The following KIAA1217 variants were observed in gnomAD, a reference collection of about 807,000 sequenced individuals.
KIAA1217 encodes the protein sickle tail protein homolog.
KIAA1217 carries 88 observed loss-of-function variants against 163.9 expected under a neutral mutation model. The ratio of observed to expected loss-of-function variants is 0.54; its 90% confidence interval spans 0.45 to 0.64. KIAA1217 has a LOEUF of 0.64. Among genes scored for constraint, KIAA1217 ranks in the 30% least tolerant of loss-of-function variants. The pLI is 0.00. For missense variants in KIAA1217, 2,372 were observed against 2,475.0 expected (o/e 0.96, Z 0.88); for synonymous variants, 903 against 923.1 (o/e 0.98, Z 0.39).
At chr10:24,497,859 A>G (rs2067006954) in intron 8 of KIAA1217, among the ~76,000 whole-genome samples, 2 of 152,276 alleles carry the variant, frequency 1.3e-5, no homozygotes, top group Middle Eastern at 3.4e-3. Flanking sequence ...AGGGATAAAA[A>G]AAACTACGAA....
chr10:24,149,431 A>G (rs2064496292), intron 2 of KIAA1217, among the ~76,000 whole-genome samples: 2 of 151,348 alleles, frequency 1.3e-5, no homozygotes. Flanking sequence ...GGATCTGCCC[A>G]CCTCAGCCTC....
intron 1 of KIAA1217, among the ~76,000 whole-genome samples, chr10:23,723,254 G>A (rs1015763434): frequency 1.3e-5 from 2 of 152,008 alleles, no homozygotes; most frequent in Admixed American, 6.6e-5. Flanking sequence ...ACACTCCTGT[G>A]CTTTTGGGAT....
intron 1 of KIAA1217, among the ~76,000 whole-genome samples, chr10:23,742,128 A>C (rs920473778): frequency 6.6e-6 from 1 of 152,156 alleles, no homozygotes; most frequent in Non-Finnish European, 1.5e-5. Flanking sequence ...AGAGCTGGAG[A>C]TCAAGCTGAT....
chr10:24,046,846 T>C lies in KIAA1217; in HGVS notation c.-171+39472T>C, dbSNP rs78973104. ...ATTCCAGTGGTTTTGAGCCTTGTAC[T>C]TGCACATTTCACCGTGATGCTAGAC... On this transcript the variant is annotated intron_variant, in intron 2 of 18. Coordinates refer to the KIAA1217 transcript ENST00000376462. Among the ~76,000 whole-genome samples the C allele has an allele frequency of 4.2e-3, 635 of 152,320 alleles. 3 individuals carry two copies. The highest frequency in any genetic ancestry group is 0.015 in the African/African-American group (605 of 41,568).
At chr10:24,215,525 A>T (rs1309135237) in intron 1 of KIAA1217, among the ~76,000 whole-genome samples, 1 of 152,230 alleles carries the variant, frequency 6.6e-6, no homozygotes, top group African/African-American at 2.4e-5. Context: ...GTGGATAATG[A>T]GGAGTTGGCC....
chr10:24,318,203 A>G (rs2043654417), intron 2 of KIAA1217, among the ~76,000 whole-genome samples: 1 of 152,114 alleles, frequency 6.6e-6, no homozygotes. Flanking sequence ...AGGTAGGTAG[A>G]TGATAGATAG....
chr10:24,364,017 C>T (rs995441884), intron 2 of KIAA1217, among the ~76,000 whole-genome samples: 12 of 148,264 alleles, frequency 8.1e-5, no homozygotes, highest in South Asian at 2.1e-4. Context: ...TTGCTCTTGT[C>T]GCCCAGGCTA....
Position 24,087,901 on chromosome 10 carries a change from A to G in KIAA1217, c.-171+80527A>G, listed in dbSNP as rs1385694917. Among the ~76,000 whole-genome samples, 4 of 128,338 alleles carry G rather than the reference A, an allele frequency of 3.1e-5. 1 individual carries two copies. The highest frequency in any genetic ancestry group is 4.9e-5 in the African/African-American group (2 of 40,820). The allele number at this position is 128,338 out of a possible 152,430, so 84.2% of individuals were successfully genotyped here. A position where few individuals can be genotyped will look rare whatever the true frequency, so the allele number is the denominator to read the frequency against. ...GTCGTGGATTTTCTCTTTATGCCAG[A>G]TCAGAGCTGTGGTGGCCTCCCAAGC... On this transcript the variant is annotated intron_variant, in intron 2 of 18. Coordinates refer to the KIAA1217 transcript ENST00000376462.
chr10:24,182,731 A>G (rs2066240076), intron 2 of KIAA1217, among the ~76,000 whole-genome samples: 1 of 152,204 alleles, frequency 6.6e-6, no homozygotes, highest in East Asian at 1.9e-4. Context: ...GAGAACTCCC[A>G]TGAAGAGAAT....
chr10:24,280,785 G>A (rs564458753), intron 2 of KIAA1217, among the ~76,000 whole-genome samples: 2 of 151,200 alleles, frequency 1.3e-5, no homozygotes, highest in African/African-American at 4.9e-5. Context: ...ACTCCAGCCT[G>A]GGCAACAGAG....
At chr10:24,313,209 G>T (rs767749305) in intron 2 of KIAA1217, among the ~76,000 whole-genome samples, 2 of 152,180 alleles carry the variant, frequency 1.3e-5, no homozygotes, top group Non-Finnish European at 2.9e-5. Context: ...TTGCAGTTCA[G>T]TTATTGATTT....
At chr10:24,127,802 T>TAGGG (rs1437626111) in intron 2 of KIAA1217, among the ~76,000 whole-genome samples, 2 of 152,228 alleles carry the variant, frequency 1.3e-5, no homozygotes, top group South Asian at 2.1e-4. Context: ...TAACATGACA[T>TAGGG]ATTTCACAAT....
At position 24,111,813 on chromosome 10, in the gene KIAA1217, G is replaced by A; in HGVS notation, c.-171+104439G>A. ...CGACAGGGTCTTGGCTGTCATTCAG[G>A]CTGGAATGCAGTGGTGTGAACACAG... On this transcript the variant is annotated intron_variant, in intron 2 of 18. Coordinates refer to the KIAA1217 transcript ENST00000376462. 1.3e-5 allele frequency among the ~76,000 whole-genome samples: 2 copies of A among 152,126 alleles called. 1 individual carries two copies. Among genetic ancestry groups the A allele is most frequent in the Admixed American group, 1.3e-4 (2 of 15,274 alleles).
At chr10:24,066,217 G>A (rs1242035003) in intron 2 of KIAA1217, among the ~76,000 whole-genome samples, 1 of 152,180 alleles carries the variant, frequency 6.6e-6, no homozygotes, top group Non-Finnish European at 1.5e-5. Context: ...CTCATTAGTT[G>A]ATGCAGTTTC....
chr10:24,178,441 G>A (rs1232423404), intron 2 of KIAA1217, among the ~76,000 whole-genome samples: 1 of 152,184 alleles, frequency 6.6e-6, no homozygotes, highest in Non-Finnish European at 1.5e-5. Flanking sequence ...ATAAAGCCAG[G>A]TCTTCTGAGG....
chr10:23,800,086 C>T (rs955708990), intron 1 of KIAA1217, among the ~76,000 whole-genome samples: 1 of 152,068 alleles, frequency 6.6e-6, no homozygotes, highest in African/African-American at 2.4e-5. Flanking sequence ...CACAGACCAC[C>T]GACCTTGCAC....
chr10:23,850,228 T>A (rs1413552126), intron 1 of KIAA1217, among the ~76,000 whole-genome samples: 2 of 152,098 alleles, frequency 1.3e-5, no homozygotes, highest in Non-Finnish European at 2.9e-5. Flanking sequence ...ATGGTTAACA[T>A]CTTCTAGATA....
intron 1 of KIAA1217, among the ~76,000 whole-genome samples, chr10:23,781,379 T>G (rs1276194176): frequency 1.3e-5 from 2 of 152,186 alleles, no homozygotes; most frequent in African/African-American, 4.8e-5. Context: ...GTTGAGCACT[T>G]TTTCACATCT....
At chr10:23,894,691 G>T (rs36131418) in intron 1 of KIAA1217, among the ~76,000 whole-genome samples, 27,034 of 129,530 alleles carry the variant, frequency 0.21, 3,187 homozygotes, top group Middle Eastern at 0.27. Flanking sequence ...AAGTCAATCC[G>T]AAGCCAAAAG....
Sources: allele counts gnomAD v4.1 joint callset (sites outside exome capture counted in the v4.1 genomes callset), GRCh38; gene constraint gnomAD v4.1.1; transcripts MANE v1.5; gene names NCBI Gene and HGNC (gene_info 2026-07-23, HGNC 2026-07-21).